FNDC3B: variants seen among roughly 807,000 people sequenced by gnomAD.
The protein encoded by FNDC3B is fibronectin type III domain-containing protein 3B.
A neutral mutation model predicts 151.5 loss-of-function variants in FNDC3B; 12 were observed. The ratio of observed to expected loss-of-function variants is 0.08; its 90% CI spans 0.05 to 0.13. The LOEUF is 0.13. Among genes scored for constraint, FNDC3B ranks in the 10% least tolerant of loss-of-function variants. The pLI, the probability that FNDC3B is intolerant of heterozygous loss-of-function variation, is 1.00. For missense variants in FNDC3B, 1,214 were observed against 1,505.3 expected, an observed-to-expected ratio of 0.81 and a Z score of 3.20; for synonymous variants, 528 against 549.0, an observed-to-expected ratio of 0.96 and a Z score of 0.54.
At chr3:172,145,264 G>C (rs772658457) in intron 3 of FNDC3B, among the ~76,000 whole-genome samples, 3 of 152,152 alleles carry the variant, frequency 2.0e-5, no homozygotes, top group Non-Finnish European at 4.4e-5. Context: ...TTGATAAGAA[G>C]AGGAGGGAGG....
At position 172,040,085 on chromosome 3, in the gene FNDC3B, T is replaced by C. The variant is rs1265649631; in HGVS notation, c.-29+314T>C. ...ACGGGTAGATTCCTCTTAAAAAAAA[T>C]TGGGCAGTGGCTCGCGGCCTCCCCC... On this transcript the variant is annotated intron_variant, in intron 1 of 25. Transcript: ENST00000415807. The surrounding 1 kb of genome is among the most constrained non-coding windows in gnomAD (Gnocchi z 6.6). Among the ~76,000 whole-genome samples the C allele has an allele frequency of 2.6e-5, 4 of 151,958 alleles. No homozygotes were observed. The highest frequency in any genetic ancestry group is 6.5e-5 in the Admixed American group (1 of 15,274).
At chr3:172,111,879 G>C (rs1719989106) in intron 1 of FNDC3B, among the ~76,000 whole-genome samples, 1 of 152,098 alleles carries the variant, frequency 6.6e-6, no homozygotes, top group Non-Finnish European at 1.5e-5. Flanking sequence ...TTGTTCCTGA[G>C]ATCATTTAAA....
chr3:172,090,404 A>G (rs1718757314), intron 1 of FNDC3B, among the ~76,000 whole-genome samples: 2 of 149,260 alleles, frequency 1.3e-5, no homozygotes, highest in Non-Finnish European at 1.5e-5. Context: ...GTGAGAGGAA[A>G]CCTAGGGCTG....
chr3:172,305,373 T>A (rs915762947), intron 9 of FNDC3B, among the ~76,000 whole-genome samples: 2 of 152,258 alleles, frequency 1.3e-5, no homozygotes, highest in African/African-American at 4.8e-5. Context: ...TCCCTTTATC[T>A]TTTTCTCTTT....
At chr3:172,181,827 C>CAAAAAA (rs747723219) in intron 3 of FNDC3B, among the ~76,000 whole-genome samples, 8 of 61,566 alleles carry the variant, frequency 1.3e-4, no homozygotes, top group East Asian at 5.7e-4. Context: ...GACTCCATCT[C>CAAAAAA]AAAAAAAAAA....
chr3:172,218,000 T>C (rs1318499306), intron 3 of FNDC3B, among the ~76,000 whole-genome samples: 3 of 152,086 alleles, frequency 2.0e-5, no homozygotes, highest in Non-Finnish European at 2.9e-5. Context: ...ACGTTAAGAT[T>C]TTAGCAGGAA....
chr3:172,134,017 T>A (rs959207667), intron 3 of FNDC3B, among the ~76,000 whole-genome samples: 4 of 152,066 alleles, frequency 2.6e-5, no homozygotes, highest in African/African-American at 9.7e-5. Flanking sequence ...AAGAGGCAGG[T>A]CATTGGGGGC....
At chr3:172,317,599 CTGGAAAAA>C (rs2108265170) in intron 11 of FNDC3B, among the ~76,000 whole-genome samples, 1 of 152,342 alleles carries the variant, frequency 6.6e-6, no homozygotes, top group African/African-American at 2.4e-5. Flanking sequence ...GGCCTTTCCA[CTGGAAAAA>C]CAGTGTCAGT....
chr3:172,267,507 A>C (rs1728986446), intron 6 of FNDC3B, among the ~76,000 whole-genome samples: 1 of 152,208 alleles, frequency 6.6e-6, no homozygotes, highest in Non-Finnish European at 1.5e-5. Flanking sequence ...TGAATGCTAT[A>C]ACAACTGTGC....
At chr3:172,250,228 T>C (rs1387398965) in intron 5 of FNDC3B, among the ~76,000 whole-genome samples, 1 of 152,242 alleles carries the variant, frequency 6.6e-6, no homozygotes, top group African/African-American at 2.4e-5. Flanking sequence ...AAAATGTGCA[T>C]AGTAAAGTCA....
In FNDC3B at chr3:172,282,711, C is replaced by T. The variant is rs151303357; in HGVS notation, c.791-3215C>T. Among the ~76,000 whole-genome samples the T allele has an allele frequency of 3.4e-4, 52 of 152,318 alleles. 1 individual carries two copies. Among genetic ancestry groups the T allele is most frequent in the African/African-American group, 1.1e-3 (46 of 41,562 alleles). On this transcript the variant is annotated intron_variant, in intron 6 of 25. Transcript: ENST00000415807. ...TTTCTCCCATCCACCTCAAGGCCAACACCCCACCAGTATCAACCCCATGTT... is the reference window on the plus strand; with the variant it reads ...TTTCTCCCATCCACCTCAAGGCCAATACCCCACCAGTATCAACCCCATGTT...
chr3:172,163,482 T>A (rs1166002670), intron 3 of FNDC3B, among the ~76,000 whole-genome samples: 2 of 152,204 alleles, frequency 1.3e-5, no homozygotes, highest in Non-Finnish European at 2.9e-5. Flanking sequence ...TTTATAGTTT[T>A]ACTGTATGTA....
At chr3:172,165,076 C>T (rs1402619435) in intron 3 of FNDC3B, among the ~76,000 whole-genome samples, 2 of 152,170 alleles carry the variant, frequency 1.3e-5, no homozygotes, top group Admixed American at 6.5e-5. Context: ...TGCAGTGGCA[C>T]GATCATGGCT....
chr3:172,240,316 G>A (rs930004204), intron 4 of FNDC3B, among the ~76,000 whole-genome samples: 3 of 152,162 alleles, frequency 2.0e-5, no homozygotes, highest in African/African-American at 7.2e-5. Flanking sequence ...TTGTTGGCAG[G>A]ATTTAGTGGA....
chr3:172,347,916 C>T (rs755826521), intron 21 of FNDC3B, among the ~76,000 whole-genome samples: 3 of 152,188 alleles, frequency 2.0e-5, no homozygotes, highest in African/African-American at 4.8e-5. Flanking sequence ...AAAATTGGTT[C>T]ATAGCCTAAC....
intron 15 of FNDC3B, 26 bp downstream of exon 15, chr3:172,335,108 T>G (rs969222512): frequency 1.4e-5 from 9 of 623,174 alleles, no homozygotes; most frequent in Non-Finnish European, 2.0e-5. Context: ...GCTGCTACTG[T>G]TTTTTTTTTT....
chr3:172,174,170 ATTATTGAACCTG>A (rs1327619158), intron 3 of FNDC3B, among the ~76,000 whole-genome samples: 3 of 152,194 alleles, frequency 2.0e-5, no homozygotes, highest in African/African-American at 7.2e-5. Context: ...GAGCGAATTC[ATTATTGAACCTG>A]TTAGGATCCA....
intron 24 of FNDC3B, 41 bp from the exon 25 acceptor site, chr3:172,380,925 A>G (rs776797546): frequency 6.2e-7 from 1 of 1,607,092 alleles, no homozygotes; most frequent in South Asian, 1.1e-5. Flanking sequence ...TTAACATGAT[A>G]CTTTGAATTT....
chr3:172,185,810 A>G (rs1430911866), intron 3 of FNDC3B, among the ~76,000 whole-genome samples: 1 of 152,192 alleles, frequency 6.6e-6, no homozygotes, highest in East Asian at 1.9e-4. Flanking sequence ...AATTATGAGG[A>G]AATTATACTG....
Sources: gnomAD v4.1 joint callset for allele counts (sites outside exome capture counted in the v4.1 genomes callset) on GRCh38, gnomAD v4.1.1 for gene constraint, Gnocchi (gnomAD v3.1) non-coding constraint, MANE v1.5 for transcripts, NCBI Gene and HGNC (gene_info 2026-07-23, HGNC 2026-07-21) for gene names.